PDS5B: variants seen among roughly 807,000 people sequenced by gnomAD.
The protein encoded by PDS5B is PDS5 cohesin associated factor B, also known as sister chromatid cohesion protein PDS5 homolog B.
A neutral mutation model predicts 184.1 loss-of-function variants in PDS5B; 51 were observed. The ratio of observed to expected loss-of-function variants is 0.28; its 90% CI spans 0.22 to 0.35. The LOEUF (loss-of-function observed/expected upper bound fraction) is 0.35, where lower values mean the gene tolerates loss of function less well. Among genes scored for constraint, PDS5B ranks in the 10% least tolerant of loss-of-function variants. The pLI is 1.00. For synonymous variants in PDS5B, 566 were observed against 569.2 expected (o/e 0.99, Z 0.08); for missense variants, 1,180 against 1,723.3 (o/e 0.68, Z 5.58).
intron 7 of PDS5B, among the ~76,000 whole-genome samples, chr13:32,670,668 G>T (rs759323315): frequency 1.1e-4 from 17 of 152,052 alleles, no homozygotes; most frequent in Non-Finnish European, 2.4e-4. Context: ...TTTCCTACAC[G>T]CATCACTTCT....
Position 32,673,236 on chromosome 13 carries a change from G to C in PDS5B, c.726G>C (p.Met242Ile). ...YITNFFNQVL[M>I]LGKTSISDLS... ...AAAAGTTTTTTAATCAGGTTCTGAT[G>C]CTTGGGAAAACATCTATCAGCGATT... The change falls in exon 8 of 35, where the codon ATG (methionine) becomes ATC (isoleucine). Residue 242 changes from methionine (M) to isoleucine (I), a missense_variant. By Grantham distance (10) the Met-to-Ile change is conservative. Around this residue, in one of 11 missense-constraint regions of PDS5B, gnomAD observed 79 missense variants for 124.6 expected, o/e 0.63. Coordinates refer to ENST00000315596, the MANE Select transcript of PDS5B (RefSeq NM_015032.4). 6.2e-7 allele frequency: 1 copy of C among 1,613,000 alleles called. No individual in the cohort carries two copies. Among genetic ancestry groups the C allele is most frequent in the Non-Finnish European group, 8.5e-7 (1 of 1,179,728 alleles).
intron 1 of PDS5B, among the ~76,000 whole-genome samples, chr13:32,616,054 TC>T (rs1318409627): frequency 1.3e-5 from 2 of 151,634 alleles, no homozygotes; most frequent in Non-Finnish European, 2.9e-5. Context: ...CTCCTCTCTC[TC>T]TCTCTTTTTT....
intron 6 of PDS5B, among the ~76,000 whole-genome samples, chr13:32,665,051 AG>A (rs1341237104): frequency 2.0e-5 from 3 of 152,172 alleles, no homozygotes; most frequent in Non-Finnish European, 4.4e-5. Flanking sequence ...TGATAGACAA[AG>A]GGACATATGG....
At chr13:32,666,625 C>T (rs1443699610) in intron 6 of PDS5B, among the ~76,000 whole-genome samples, 1 of 151,944 alleles carries the variant, frequency 6.6e-6, no homozygotes, top group Non-Finnish European at 1.5e-5. Flanking sequence ...AAAAAAGTCT[C>T]CATACTTTGA....
At chr13:32,691,164 T>A (rs1436927569) in intron 13 of PDS5B, 5 of 152,100 alleles carry the variant, frequency 3.3e-5, no homozygotes, top group East Asian at 3.9e-4. Context: ...CCTTTAAAAA[T>A]TTTTTTTAAC....
chr13:32,743,412 C>G (rs193196734), intron 23 of PDS5B, among the ~76,000 whole-genome samples: 2 of 152,230 alleles, frequency 1.3e-5, no homozygotes, highest in East Asian at 3.9e-4. Context: ...ATTTAAAACA[C>G]TACTTAGCAC....
intron 1 of PDS5B, among the ~76,000 whole-genome samples, chr13:32,640,568 T>C (rs1193800287): frequency 6.6e-6 from 1 of 152,032 alleles, no homozygotes; most frequent in Non-Finnish European, 1.5e-5. Context: ...TATTTTCTTA[T>C]GCTTACTGTT....
At position 32,679,009 on chromosome 13, in the gene PDS5B, C is replaced by G. The variant is rs1389934465; in HGVS notation, c.1057+80C>G. The stretch of plus-strand genomic sequence containing the variant: ...TAAGTTTCATAGGGGGAAAAAAAAC[C>G]CCTTTTTTCGGGGGTGGTAGGTGAA... On this transcript the variant is annotated intron_variant, in intron 10 of 34. Coordinates refer to ENST00000315596, the MANE Select transcript of PDS5B (RefSeq NM_015032.4). 3 of 684,022 alleles carry G rather than the reference C, an allele frequency of 4.4e-6. No homozygotes were observed. In the African/African-American group the frequency reaches 5.5e-5, roughly 12 times the overall value. 42.4% of individuals were successfully genotyped at this position (684,022 alleles called of 1,614,324 possible).
At chr13:32,696,713 A>G (rs2140856910) in intron 14 of PDS5B, 141 bp from the exon 15 acceptor site, 3 of 631,536 alleles carry the variant, frequency 4.8e-6, no homozygotes, top group South Asian at 1.8e-5. Flanking sequence ...TTTAATAAAA[A>G]TAGATGAAGA....
rs1950293483 is a variant in PDS5B at position 32,648,893 on chromosome 13, C to T, written c.108+13C>T. 6.1e-6 allele frequency: 7 copies of T among 1,148,184 alleles called. No homozygotes were observed. The highest frequency in any genetic ancestry group is 9.3e-6 in the Non-Finnish European group (7 of 755,072). 71.1% of individuals were successfully genotyped at this position (1,148,184 alleles called of 1,614,324 possible). On this transcript the variant is annotated intron_variant, in intron 2 of 34. Transcript: ENST00000315596. ...GAGACGATTAAAGGTGAGTAAAATTCTATTCTTTTTTACATCTGTGTAGGG... is the reference window on the plus strand; with the variant it reads ...GAGACGATTAAAGGTGAGTAAAATTTTATTCTTTTTTACATCTGTGTAGGG...
intron 26 of PDS5B, among the ~76,000 whole-genome samples, chr13:32,756,563 G>A (rs888830650): frequency 3.9e-5 from 6 of 152,132 alleles, no homozygotes; most frequent in Admixed American, 1.3e-4. Flanking sequence ...TTTAAGACCA[G>A]CATAATTCTT....
Position 32,648,795 on chromosome 13 carries a change from C to A in PDS5B, c.23C>A (p.Thr8Asn). Reference protein sequence around the residue: MAHSKTRTNDGKITYPPG... With the variant: MAHSKTRNNDGKITYPPG... ...GTCATGGCTCATTCAAAGACTAGGA[C>A]CAATGATGGAAAAATTACATATCCG... The change falls in exon 2 of 35, where the codon ACC becomes AAC. Residue 8 changes from threonine to asparagine, a missense_variant. This residue lies in a region of PDS5B where 13 missense variants were observed against 16.1 expected (regional missense o/e 0.81). Transcript: ENST00000315596. The A allele has an allele frequency of 6.5e-7, 1 of 1,531,948 alleles. No individual in the cohort carries two copies. The highest frequency in any genetic ancestry group is 1.1e-5 in the South Asian group (1 of 89,364). 94.9% of individuals were successfully genotyped at this position (1,531,948 alleles called of 1,614,324 possible).
At chr13:32,592,354 C>G (rs1271027831) in intron 1 of PDS5B, among the ~76,000 whole-genome samples, 1 of 151,906 alleles carries the variant, frequency 6.6e-6, no homozygotes, top group African/African-American at 2.4e-5. Context: ...TTGGCAGGTT[C>G]AGGCGATTCT....
At chr13:32,717,699 A>AT (rs1436911039) in intron 19 of PDS5B, among the ~76,000 whole-genome samples, 3 of 149,378 alleles carry the variant, frequency 2.0e-5, no homozygotes, top group East Asian at 1.9e-4. Context: ...AAAAAAAAAA[A>AT]AAATAAATAA....
At chr13:32,645,481 A>G (rs1825302433) in intron 1 of PDS5B, among the ~76,000 whole-genome samples, 1 of 152,242 alleles carries the variant, frequency 6.6e-6, no homozygotes, top group South Asian at 2.1e-4. Flanking sequence ...TCTGTTAATG[A>G]TTGATTTTGT....
rs879507407 is a variant in PDS5B at position 32,757,130 on chromosome 13, T to TA, written c.3057-942dup. ...AAACAGAGTGAGACTCTGTCTCTAT[T>TA]AAAAAAAAAAAAAAATTAGTTCTAT... On this transcript the variant is annotated intron_variant, in intron 26 of 34. Coordinates refer to ENST00000315596, the MANE Select transcript of PDS5B (RefSeq NM_015032.4). Among the ~76,000 whole-genome samples the TA allele has an allele frequency of 4.8e-3, 693 of 142,908 alleles. 20 individuals carry two copies. In the South Asian group the frequency reaches 0.061, roughly 13 times the overall value. 93.8% of individuals were successfully genotyped at this position (142,908 alleles called of 152,430 possible). A position where few individuals can be genotyped will look rare whatever the true frequency, so the allele number is the denominator to read the frequency against.
chr13:32,603,996 A>G (rs1042771736), intron 1 of PDS5B, among the ~76,000 whole-genome samples: 3 of 152,214 alleles, frequency 2.0e-5, no homozygotes, highest in Admixed American at 1.3e-4. Flanking sequence ...GGGGTTTTCT[A>G]AATATACAGT....
At chr13:32,595,272 A>G (rs1423271718) in intron 1 of PDS5B, among the ~76,000 whole-genome samples, 2 of 152,170 alleles carry the variant, frequency 1.3e-5, no homozygotes, top group Admixed American at 6.5e-5. Flanking sequence ...CTCACATTAC[A>G]TAAGTTACCA....
At chr13:32,772,834 A>G (rs754780533) in intron 33 of PDS5B, among the ~76,000 whole-genome samples, 2 of 152,194 alleles carry the variant, frequency 1.3e-5, no homozygotes, top group South Asian at 2.1e-4. Flanking sequence ...ATAAGAATCT[A>G]TAAGGCCAGA....
Sources: gnomAD v4.1 joint callset for allele counts (sites outside exome capture counted in the v4.1 genomes callset) on GRCh38, gnomAD v4.1.1 for gene constraint, gnomAD v4.1.1 regional missense constraint, MANE v1.5 for transcripts, NCBI Gene and HGNC (gene_info 2026-07-23, HGNC 2026-07-21) for gene names.